The following VCF1 variants were observed in gnomAD, a reference collection of about 807,000 sequenced individuals.
The protein encoded by VCF1 is VCP nuclear cofactor family member 1, also known as protein VCF1.
chr17:73,213,780 G>A, the VCF1 span, among the ~76,000 whole-genome samples: 6 of 152,114 alleles, frequency 3.9e-5, no homozygotes, highest in Admixed American at 2.0e-4. Context: ...GACCAGCCTG[G>A]CCAACATGGC....
At chr17:73,229,212 G>A in the VCF1 span, 2 of 985,448 alleles carry the variant, frequency 2.0e-6, no homozygotes, top group Non-Finnish European at 2.4e-6. Flanking sequence ...CCTCTGGATG[G>A]TACCAGATTA....
chr17:73,229,677 C>G, the VCF1 span: 1 of 567,466 alleles, frequency 1.8e-6, no homozygotes, highest in Non-Finnish European at 2.2e-6. Context: ...ACCAGCCTGG[C>G]CCACATGGTG....
the VCF1 span, chr17:73,208,920 AAGAGTAG>A: frequency 3.5e-6 from 1 of 287,536 alleles, no homozygotes; most frequent in Non-Finnish European, 6.7e-6. Flanking sequence ...ATATATAACA[AAGAGTAG>A]AGACTATTAT....
the VCF1 span, among the ~76,000 whole-genome samples, chr17:73,218,430 C>G: frequency 6.6e-6 from 1 of 152,190 alleles, no homozygotes; most frequent in African/African-American, 2.4e-5. Flanking sequence ...CTGGACCACA[C>G]AATGTGTTTA....
At chr17:73,229,231 T>C in the VCF1 span, 2 of 985,380 alleles carry the variant, frequency 2.0e-6, no homozygotes, top group Non-Finnish European at 2.4e-6. Flanking sequence ...TAAGAAAGAG[T>C]CCTACCTGCT....
chr17:73,229,317 C>T, the VCF1 span: 3 of 985,444 alleles, frequency 3.0e-6, no homozygotes, highest in Non-Finnish European at 3.6e-6. Context: ...GTGTTAACAA[C>T]TGGCAAGATT....
the VCF1 span, chr17:73,212,851 G>C: frequency 1.5e-6 from 1 of 663,450 alleles, no homozygotes; most frequent in African/African-American, 1.9e-5. Context: ...TCTAAGAAAA[G>C]GCAAAAGTTC....
the VCF1 span, among the ~76,000 whole-genome samples, chr17:73,223,722 AATAAG>A: frequency 6.6e-6 from 1 of 152,130 alleles, no homozygotes; most frequent in Admixed American, 6.6e-5. Context: ...AAAAAAAGAA[AATAAG>A]AAAAAGAATT....
At chr17:73,212,782 C>T in the VCF1 span, 41 of 1,442,464 alleles carry the variant, frequency 2.8e-5, no homozygotes, top group Non-Finnish European at 3.9e-5. Flanking sequence ...TCTAGTAAGT[C>T]AAGTTTTCAT....
chr17:73,209,142 TA>T, the VCF1 span: 11 of 222,212 alleles, frequency 5.0e-5, no homozygotes, highest in Non-Finnish European at 7.2e-5. Context: ...GTTTATTGAA[TA>T]AAAAAAATTG....
chr17:73,229,060 G>T, the VCF1 span, among the ~76,000 whole-genome samples: 3 of 152,174 alleles, frequency 2.0e-5, no homozygotes, highest in Non-Finnish European at 4.4e-5. Flanking sequence ...ATGGCAGAGG[G>T]ACTGTAAGAA....
the VCF1 span, chr17:73,227,384 G>A: frequency 1.2e-6 from 1 of 807,924 alleles, no homozygotes; most frequent in South Asian, 2.2e-5. Flanking sequence ...ACATAATTCA[G>A]CATATGATAT....
At chr17:73,231,162 G>C in the VCF1 span, among the ~76,000 whole-genome samples, 2 of 152,196 alleles carry the variant, frequency 1.3e-5, no homozygotes, top group East Asian at 3.9e-4. Flanking sequence ...GGGAACCCTA[G>C]GTTTTCACTA....
the VCF1 span, among the ~76,000 whole-genome samples, chr17:73,210,391 ACTTTTT>A: frequency 2.6e-5 from 4 of 151,974 alleles, no homozygotes; most frequent in Non-Finnish European, 5.9e-5. Context: ...AGCGTGCCTA[ACTTTTT>A]CTTTAATGTA....
chr17:73,229,571 T>G, the VCF1 span: 1 of 985,276 alleles, frequency 1.0e-6, no homozygotes, highest in Non-Finnish European at 1.2e-6. Flanking sequence ...ATAGAAATAA[T>G]CTTAAGAGTA....
chr17:73,209,749 C>T, the VCF1 span: 2 of 1,542,758 alleles, frequency 1.3e-6, no homozygotes, highest in Admixed American at 3.9e-5. Context: ...GCTGCTCCCA[C>T]CACTGTCACT....
At chr17:73,213,104 C>T in the VCF1 span, among the ~76,000 whole-genome samples, 23 of 151,980 alleles carry the variant, frequency 1.5e-4, no homozygotes, top group Non-Finnish European at 3.1e-4. Context: ...ATTAGCTGGG[C>T]GTGGTGGTGT....
chr17:73,228,322 G>A, the VCF1 span, among the ~76,000 whole-genome samples: 1 of 152,270 alleles, frequency 6.6e-6, no homozygotes, highest in Admixed American at 6.5e-5. Context: ...TGGAAAGCAT[G>A]TACATTTGGA....
the VCF1 span, among the ~76,000 whole-genome samples, chr17:73,217,631 A>G: frequency 6.6e-6 from 1 of 151,040 alleles, no homozygotes; most frequent in Non-Finnish European, 1.5e-5. Flanking sequence ...GCCTGGCGAC[A>G]GAGTGAGACT....
Sources: allele counts gnomAD v4.1 joint callset (sites outside exome capture counted in the v4.1 genomes callset), GRCh38; gene constraint gnomAD v4.1.1; transcripts MANE v1.5; gene names NCBI Gene and HGNC (gene_info 2026-07-23, HGNC 2026-07-21).